RIMS2: variants seen among roughly 807,000 people sequenced by gnomAD.
RIMS2 encodes regulating synaptic membrane exocytosis protein 2.
In RIMS2, 59 loss-of-function variants were observed where a neutral mutation model predicts 174.4. That is an observed-to-expected ratio of 0.34 (90% CI 0.27 to 0.42). The LOEUF is 0.42. RIMS2 is among the 10% of genes least tolerant of loss of function. RIMS2 has a pLI of 1.00. For missense variants in RIMS2, 1,620 were observed against 1,666.3 expected, an observed-to-expected ratio of 0.97 and a Z score of 0.48; for synonymous variants, 606 against 572.5, an observed-to-expected ratio of 1.06 and a Z score of -0.84.
At chr8:103,621,231 A>G (rs994011222) in intron 1 of RIMS2, among the ~76,000 whole-genome samples, 36 of 152,350 alleles carry the variant, frequency 2.4e-4, no homozygotes. Flanking sequence ...TACACCCACC[A>G]GCAGTTTTGC....
chr8:104,224,059 T>C (rs1037163882), intron 19 of RIMS2, among the ~76,000 whole-genome samples: 1 of 152,232 alleles, frequency 6.6e-6, no homozygotes, highest in Non-Finnish European at 1.5e-5. Flanking sequence ...TGAAAGAGAA[T>C]GTAAACTGGT....
chr8:103,812,097 T>C (rs1309261782), intron 3 of RIMS2, among the ~76,000 whole-genome samples: 16 of 151,976 alleles, frequency 1.1e-4, no homozygotes, highest in Non-Finnish European at 1.9e-4. Flanking sequence ...AAACAGCATG[T>C]TTTTTTTCAG....
intron 2 of RIMS2, among the ~76,000 whole-genome samples, chr8:103,704,623 T>G (rs1590751445): frequency 1.3e-5 from 2 of 152,216 alleles, no homozygotes; most frequent in African/African-American, 2.4e-5. Flanking sequence ...GATGACAGAC[T>G]TTTTATTATG....
intron 19 of RIMS2, among the ~76,000 whole-genome samples, chr8:104,097,345 T>G (rs73297561): frequency 0.028 from 4,271 of 152,252 alleles, 225 homozygotes; most frequent in African/African-American, 0.098. Flanking sequence ...AAACAAAGTT[T>G]GTCTGCATTG....
chr8:104,015,605 T>G (rs1050369880), intron 19 of RIMS2: 2 of 415,958 alleles, frequency 4.8e-6, no homozygotes, highest in Non-Finnish European at 8.5e-6. Flanking sequence ...TGACAAAGTA[T>G]TCAACTTTTT....
At chr8:103,741,596 A>T (rs1029902704) in intron 2 of RIMS2, among the ~76,000 whole-genome samples, 2 of 152,064 alleles carry the variant, frequency 1.3e-5, no homozygotes, top group African/African-American at 4.8e-5. Context: ...CTGTACCAAG[A>T]CTTATCAAAT....
At chr8:104,062,390 G>A (rs1277711552) in intron 19 of RIMS2, among the ~76,000 whole-genome samples, 1 of 152,070 alleles carries the variant, frequency 6.6e-6, no homozygotes, top group African/African-American at 2.4e-5. Flanking sequence ...CCTGGCAACA[G>A]AGCAAAACTC....
intron 1 of RIMS2, among the ~76,000 whole-genome samples, chr8:103,506,943 G>A (rs1174415034): frequency 6.6e-6 from 1 of 152,072 alleles, no homozygotes; most frequent in Non-Finnish European, 1.5e-5. Context: ...GGTGAATTGA[G>A]GGGACTTACT....
chr8:103,920,029 A>G (rs2077303557), intron 9 of RIMS2, among the ~76,000 whole-genome samples: 2 of 152,174 alleles, frequency 1.3e-5, no homozygotes. Flanking sequence ...CACCTTTATT[A>G]CATCTCTCAG....
chr8:103,570,875 CA>C (rs2092756605), intron 1 of RIMS2, among the ~76,000 whole-genome samples: 1 of 152,022 alleles, frequency 6.6e-6, no homozygotes, highest in African/African-American at 2.4e-5. Context: ...AAAGTAATTG[CA>C]AAAGCTGCAA....
intron 1 of RIMS2, among the ~76,000 whole-genome samples, chr8:103,526,834 G>C (rs542499982): frequency 6.6e-6 from 1 of 152,196 alleles, no homozygotes; most frequent in East Asian, 1.9e-4. Context: ...GAGTGCAAGA[G>C]ACCAAATATT....
chr8:104,213,367 C>G (rs1291390361), intron 19 of RIMS2, among the ~76,000 whole-genome samples: 1 of 152,118 alleles, frequency 6.6e-6, no homozygotes, highest in Non-Finnish European at 1.5e-5. Flanking sequence ...TCAATTAAGT[C>G]CTCACTGTCA....
intron 3 of RIMS2, among the ~76,000 whole-genome samples, chr8:103,811,957 C>T (rs1184403638): frequency 6.6e-6 from 1 of 152,178 alleles, no homozygotes; most frequent in Non-Finnish European, 1.5e-5. Flanking sequence ...CCATGCTTTC[C>T]CTTTCTTTTT....
intron 1 of RIMS2, among the ~76,000 whole-genome samples, chr8:103,598,923 A>C (rs1332853121): frequency 6.6e-6 from 1 of 152,012 alleles, no homozygotes; most frequent in Non-Finnish European, 1.5e-5. Flanking sequence ...TTTTACAGTA[A>C]GTTATTGTTG....
intron 1 of RIMS2, among the ~76,000 whole-genome samples, chr8:103,597,143 T>C (rs532592748): frequency 2.6e-5 from 4 of 152,266 alleles, no homozygotes; most frequent in African/African-American, 9.6e-5. Context: ...AGCATTCTAA[T>C]AAAAGAAGAT....
At chr8:104,136,311 G>T (rs572668744) in intron 19 of RIMS2, among the ~76,000 whole-genome samples, 1 of 152,106 alleles carries the variant, frequency 6.6e-6, no homozygotes, top group Admixed American at 6.6e-5. Context: ...ACAAAAAGGG[G>T]TGTATGGGAA....
rs551705594 is a variant in RIMS2, at chr8:104,222,960, G to A, written c.3335-21956G>A. Among the ~76,000 whole-genome samples, 171 of 152,228 alleles carry A rather than the reference G, an allele frequency of 1.1e-3. 1 individual carries two copies. The highest frequency in any genetic ancestry group is 3.8e-3 in the African/African-American group (159 of 41,530). ...AAAGCTTTAATTGTAGGTTTTCGTG[G>A]AACTTGGTAAAAATTGAGGAGCCTT... On this transcript the variant is annotated intron_variant, in intron 19 of 23. Transcript: ENST00000504942.
At chr8:104,076,983 A>AT (rs1215802146) in intron 19 of RIMS2, among the ~76,000 whole-genome samples, 2 of 150,988 alleles carry the variant, frequency 1.3e-5, no homozygotes, top group Admixed American at 1.3e-4. Flanking sequence ...CACCCAGCTA[A>AT]TTTTTTTGTC....
chr8:104,181,240 A>G (rs1446803236), intron 19 of RIMS2, among the ~76,000 whole-genome samples: 1 of 151,716 alleles, frequency 6.6e-6, no homozygotes, highest in Non-Finnish European at 1.5e-5. Context: ...CTTGGAATTA[A>G]TAGTCCTTAG....
Sources: allele counts gnomAD v4.1 joint callset (sites outside exome capture counted in the v4.1 genomes callset), GRCh38; gene constraint gnomAD v4.1.1; transcripts MANE v1.5; gene names NCBI Gene and HGNC (gene_info 2026-07-23, HGNC 2026-07-21).